Variants in DRAP1 observed in about 807,000 individuals in gnomAD.
DRAP1 encodes DR1 associated protein 1, also known as dr1-associated corepressor.
In DRAP1, 10 loss-of-function variants were observed where a neutral mutation model predicts 24.1. The ratio of observed to expected loss-of-function variants is 0.41; its 90% CI spans 0.26 to 0.70. The LOEUF is 0.70. Ranked by LOEUF, DRAP1 falls within the 30% of genes least tolerant of loss-of-function variation. The probability of loss-of-function intolerance (pLI) is 0.29; values close to 1 mark genes in which losing one functional copy is unlikely to be tolerated. For synonymous variants in DRAP1, 122 were observed against 113.8 expected (o/e 1.07, Z -0.46); for missense variants, 264 against 275.6 (o/e 0.96, Z 0.30).
chr11:65,921,075 T>C, intron 6 of DRAP1, 103 bp downstream of exon 6: 1 of 902,716 alleles, frequency 1.1e-6, no homozygotes, highest in Non-Finnish European at 1.7e-6. Flanking sequence ...GTGGCAGATT[T>C]GTGGGGTGGA....
rs368222398 is a variant in DRAP1 at position 65,920,288 on chromosome 11, CGGGTTT to C, written c.210-50_210-45del. 18 of 1,608,420 alleles carry C rather than the reference CGGGTTT, an allele frequency of 1.1e-5. No homozygotes were observed. In the African/African-American group the frequency reaches 2.4e-4, roughly 21 times the overall value. Reference sequence around the variant, plus strand: ...TGGGGCCCCTTGCTGCCACCCACTGCGGGTTTGGGTGTCTGGGCCCCTCTTGAGTGC... The same window carrying C: ...TGGGGCCCCTTGCTGCCACCCACTGCGGGTGTCTGGGCCCCTCTTGAGTGC... On this transcript the variant is annotated intron_variant, in intron 3 of 6. Transcript: ENST00000312515.
chr11:65,919,783 C>T lies in DRAP1; in HGVS notation c.46C>T (p.Arg16Trp). The T allele has an allele frequency of 6.2e-7, 1 of 1,613,040 alleles. No homozygotes were observed. Among genetic ancestry groups the T allele is most frequent in the Non-Finnish European group, 8.5e-7 (1 of 1,179,950 alleles). The change falls in exon 2 of 7, where the codon CGG (arginine) becomes TGG (tryptophan). Residue 16 changes from arginine (R) to tryptophan (W), a missense_variant. Around this residue, in one of 2 missense-constraint regions of DRAP1, gnomAD observed 21 missense variants for 42.0 expected, o/e 0.50. Coordinates refer to ENST00000312515, the MANE Select transcript of DRAP1 (RefSeq NM_006442.4). ...AACTCTGCTCCCCCACCCGCAGGCG[C>T]GGATCAAGAAGATCATGCAGACGGA... Reference protein sequence around the residue: ...KKYNARFPPARIKKIMQTDEE... With the variant: ...KKYNARFPPAWIKKIMQTDEE...
In DRAP1 at chr11:65,921,430, T is replaced by C. The variant is rs1345762640; in HGVS notation, c.613T>C (p.Ser205Pro). The change falls in exon 7 of 7, where the codon TCC becomes CCC. Residue 205 changes from serine to proline, a missense_variant. By Grantham distance (74) the Ser-to-Pro change is moderately conservative (BLOSUM62 -1). This residue lies in a region of DRAP1 where 243 missense variants were observed against 233.6 expected (regional missense o/e 1.04). Transcript: ENST00000312515. ...TGAAGAGGACGAAGAAGATTACGAC[T>C]CCTAGCGCCTTCTGCCCCCCAGACC... ...PDEEDEEDYD[S>P] 6.3e-7 allele frequency: 1 copy of C among 1,594,610 alleles called. No homozygotes were observed. Among genetic ancestry groups the C allele is most frequent in the Non-Finnish European group, 8.6e-7 (1 of 1,162,930 alleles).
Position 65,919,764 on chromosome 11 carries a change from G to A in DRAP1, c.43-16G>A. The A allele has an allele frequency of 6.2e-7, 1 of 1,612,784 alleles. No homozygotes were observed. The highest frequency in any genetic ancestry group is 8.5e-7 in the Non-Finnish European group (1 of 1,179,916). On this transcript the variant is annotated splice_polypyrimidine_tract_variant and intron_variant, in intron 1 of 6. Coordinates refer to ENST00000312515, the MANE Select transcript of DRAP1 (RefSeq NM_006442.4). The stretch of plus-strand genomic sequence containing the variant: ...ACGGTGGCGACGGGGTCTGAACTCT[G>A]CTCCCCCACCCGCAGGCGCGGATCA...
chr11:65,920,279 C>T (rs1854531272), intron 3 of DRAP1, 64 bp from the exon 4 acceptor site: 2 of 1,605,440 alleles, frequency 1.2e-6, no homozygotes, highest in African/African-American at 2.7e-5. Flanking sequence ...CCCTTGCTGC[C>T]ACCCACTGCG....
chr11:65,919,820 G>T lies in DRAP1; in HGVS notation c.83G>T (p.Gly28Val). 1 of 1,612,998 alleles carries T rather than the reference G, an allele frequency of 6.2e-7. No individual in the cohort carries two copies. Residue 28 changes from glycine (G) to valine (V), a missense_variant, in exon 2 of 7, where the codon GGG becomes GTG. Coordinates refer to ENST00000312515, the MANE Select transcript of DRAP1 (RefSeq NM_006442.4). The part of the protein sequence containing the change: ...KKIMQTDEEI[G>V]KVAAAVPVII... ...ATCATGCAGACGGACGAAGAGATTG[G>T]GAAGGTGGCGGCGGCGGTGCCTGTC...
intron 4 of DRAP1, 50 bp downstream of exon 4, chr11:65,920,512 TG>T (rs759931200): frequency 8.1e-6 from 13 of 1,611,996 alleles, no homozygotes; most frequent in Non-Finnish European, 1.1e-5. Context: ...CCACAGGGCT[TG>T]GGGGTGGCCA....
In DRAP1 at chr11:65,920,648, G is replaced by A; in HGVS notation, c.409G>A (p.Asp137Asn). Reference protein sequence around the residue: ...KSKDKKLSGTDSEQEDESEDT... With the variant: ...KSKDKKLSGTNSEQEDESEDT... ...CAAGGACAAGAAGCTGTCCGGGACA[G>A]ACTCGGAGCAGGAGGTGAGTGAGGC... The change falls in exon 5 of 7, where the codon GAC (aspartate) becomes AAC (asparagine). Residue 137 changes from aspartate (D) to asparagine (N), a missense_variant. By Grantham distance (23) the Asp-to-Asn change is conservative (BLOSUM62 1). Coordinates refer to ENST00000312515, the MANE Select transcript of DRAP1 (RefSeq NM_006442.4). The A allele has an allele frequency of 4.0e-6, 6 of 1,497,158 alleles. No individual in the cohort carries two copies. The highest frequency in any genetic ancestry group is 4.9e-5 in the East Asian group (2 of 40,714). 92.7% of individuals were successfully genotyped at this position (1,497,158 alleles called of 1,614,324 possible).
intron 3 of DRAP1, 143 bp from the exon 4 acceptor site, chr11:65,920,200 G>A: frequency 6.9e-7 from 1 of 1,448,282 alleles, no homozygotes; most frequent in Non-Finnish European, 9.4e-7. Flanking sequence ...GGCAGAGGGA[G>A]CCACCTGAGT....
Position 65,920,452 on chromosome 11 carries a change from G to A in DRAP1, c.319G>A (p.Gly107Ser). Residue 107 changes from glycine (G) to serine (S), a missense_variant, in exon 4 of 7, where the codon GGC becomes AGC. Physicochemically the swap from Gly to Ser is moderately conservative, Grantham distance 56. Transcript: ENST00000312515. ...AGACAACCACATGGATGGGGACAAG[G>A]GCGCCCGCAGGTGGGGCCAGGGCCT... ...GEDNHMDGDK[G>S]ARRGRKPGSG... 1 of 1,614,072 alleles carries A rather than the reference G, an allele frequency of 6.2e-7. No homozygotes were observed. Among genetic ancestry groups the A allele is most frequent in the Non-Finnish European group, 8.5e-7 (1 of 1,179,992 alleles).
rs200905448 is a variant in DRAP1 at position 65,921,368 on chromosome 11, C to T, written c.551C>T (p.Pro184Leu). ...TPFLPFASTL[P>L]LPPAPPGPSA... is the part of the protein sequence containing the mutation. ...TTCCTGCCCTTCGCCTCTACTCTGCCTTTGCCCCCAGCGCCCCCGGGCCCC... is the reference window on the plus strand; with the variant it reads ...TTCCTGCCCTTCGCCTCTACTCTGCTTTTGCCCCCAGCGCCCCCGGGCCCC... Residue 184 changes from proline (P) to leucine (L), a missense_variant, in exon 7 of 7, where the codon CCT (proline) becomes CTT (leucine). Around this residue, in one of 2 missense-constraint regions of DRAP1, gnomAD observed 243 missense variants for 233.6 expected, o/e 1.04. Transcript: ENST00000312515. 16 of 1,611,814 alleles carry T rather than the reference C, an allele frequency of 9.9e-6. No individual in the cohort carries two copies. The Admixed American group carries it at 1.7e-4, about 17-fold the overall frequency.
At position 65,919,945 on chromosome 11, in the gene DRAP1, C is replaced by T. The variant is rs1330014911; in HGVS notation, c.116-3C>T. Reference sequence around the variant, plus strand: ...CCCCGGAGTTCTCCTTGACGCTCCTCAGCCCGGGCGCTCGAGCTCTTCCTA... The same window carrying T: ...CCCCGGAGTTCTCCTTGACGCTCCTTAGCCCGGGCGCTCGAGCTCTTCCTA... On this transcript the variant is annotated splice_region_variant and splice_polypyrimidine_tract_variant and intron_variant, in intron 2 of 6. Coordinates refer to ENST00000312515, the MANE Select transcript of DRAP1 (RefSeq NM_006442.4). 1.9e-6 allele frequency: 3 copies of T among 1,613,796 alleles called. No homozygotes were observed. In the Admixed American group the frequency reaches 5.0e-5, roughly 27 times the overall value.
intron 6 of DRAP1, 74 bp downstream of exon 6, chr11:65,921,046 C>T (rs1013528683): frequency 1.7e-6 from 2 of 1,174,334 alleles, no homozygotes; most frequent in African/African-American, 1.8e-5. Flanking sequence ...TTCTCCCTGG[C>T]CCCTTGGTCT....
rs1268185607 is a variant in DRAP1, at chr11:65,921,449, C to T, written c.*14C>T. ...TACGACTCCTAGCGCCTTCTGCCCC[C>T]CAGACCATAGCCCCTTTTAGTTGGT... On this transcript the variant is annotated 3_prime_UTR_variant, in exon 7 of 7. Transcript: ENST00000312515. 3 of 1,441,022 alleles carry T rather than the reference C, an allele frequency of 2.1e-6. No individual in the cohort carries two copies. Among genetic ancestry groups the T allele is most frequent in the Non-Finnish European group, 2.9e-6 (3 of 1,024,052 alleles). 89.3% of individuals were successfully genotyped at this position (1,441,022 alleles called of 1,614,324 possible).
Position 65,920,659 on chromosome 11 carries a change from G to A in DRAP1, c.420G>A (p.Gln140=). Residue 140 remains glutamine, a synonymous_variant, in exon 5 of 7, where the codon CAG becomes CAA. Coordinates refer to ENST00000312515, the MANE Select transcript of DRAP1 (RefSeq NM_006442.4). Reference sequence around the variant, plus strand: ...AGCTGTCCGGGACAGACTCGGAGCAGGAGGTGAGTGAGGCCCCAGCCCTTC... The same window carrying A: ...AGCTGTCCGGGACAGACTCGGAGCAAGAGGTGAGTGAGGCCCCAGCCCTTC... The part of the protein sequence containing the change: ...DKKLSGTDSE[Q]EDESEDTDTD... The A allele has an allele frequency of 6.7e-7, 1 of 1,485,088 alleles. No homozygotes were observed. 92.0% of individuals were successfully genotyped at this position (1,485,088 alleles called of 1,614,324 possible).
intron 6 of DRAP1, 129 bp downstream of exon 6, chr11:65,921,101 G>A (rs1854545129): frequency 1.3e-6 from 1 of 754,964 alleles, no homozygotes; most frequent in Non-Finnish European, 2.1e-6. Context: ...AATAACTGAG[G>A]AGGGCTTGAA....
rs781110835 is a variant in DRAP1 at position 65,920,891 on chromosome 11, C to A, written c.431C>A (p.Ser144Tyr). 2.0e-5 allele frequency: 32 copies of A among 1,612,538 alleles called. No homozygotes were observed. The East Asian group carries it at 6.7e-4, about 34-fold the overall frequency. The change falls in exon 6 of 7, where the codon TCT becomes TAT. Residue 144 changes from serine (S) to tyrosine (Y), a missense_variant. By Grantham distance (144) the Ser-to-Tyr change is moderately radical (BLOSUM62 -2). Coordinates refer to ENST00000312515, the MANE Select transcript of DRAP1 (RefSeq NM_006442.4). ...SGTDSEQEDE[S>Y]EDTDTDGEEE... ...CCTCTGCGGTGCTCACAGGATGAAT[C>A]TGAGGACACAGATACTGATGGGGAA...
In DRAP1 at chr11:65,920,252, A is replaced by T; in HGVS notation, c.210-91A>T. 1.9e-6 allele frequency: 3 copies of T among 1,583,458 alleles called. No homozygotes were observed. The South Asian group carries it at 3.5e-5, about 18-fold the overall frequency. ...GGGAGCGGAGATCGGCCCGGGCTCCAGCCTGACATCTGGGGCCCCTTGCTG... is the reference window on the plus strand; with the variant it reads ...GGGAGCGGAGATCGGCCCGGGCTCCTGCCTGACATCTGGGGCCCCTTGCTG... On this transcript the variant is annotated intron_variant, in intron 3 of 6. Coordinates refer to ENST00000312515, the MANE Select transcript of DRAP1 (RefSeq NM_006442.4).
In DRAP1 at chr11:65,921,445, C is replaced by T. The variant is rs766167548; in HGVS notation, c.*10C>T. ...AGATTACGACTCCTAGCGCCTTCTGCCCCCCAGACCATAGCCCCTTTTAGT... is the reference window on the plus strand; with the variant it reads ...AGATTACGACTCCTAGCGCCTTCTGTCCCCCAGACCATAGCCCCTTTTAGT... On this transcript the variant is annotated 3_prime_UTR_variant, in exon 7 of 7. Transcript: ENST00000312515. The T allele has an allele frequency of 7.4e-6, 11 of 1,484,138 alleles. No homozygotes were observed. The highest frequency in any genetic ancestry group is 6.8e-5 in the East Asian group (3 of 44,008). 91.9% of individuals were successfully genotyped at this position (1,484,138 alleles called of 1,614,324 possible). A position where few individuals can be genotyped will look rare whatever the true frequency, so the allele number is the denominator to read the frequency against.
Sources: allele counts gnomAD v4.1 joint callset, GRCh38; gene constraint gnomAD v4.1.1; regional missense constraint gnomAD v4.1.1; transcripts MANE v1.5; gene names NCBI Gene and HGNC (gene_info 2026-07-23, HGNC 2026-07-21).